Variants in SKI observed in about 807,000 individuals in gnomAD.
The protein encoded by SKI is SKI proto-oncogene.
In SKI, 23 loss-of-function variants were observed where a neutral mutation model predicts 59.3. The observed-to-expected ratio is 0.39, with a 90% CI of 0.28 to 0.55. SKI has a LOEUF of 0.55. SKI is among the 20% of genes least tolerant of loss of function. The pLI is 0.67. For missense variants in SKI, 1,017 were observed against 1,038.9 expected (o/e 0.98, Z 0.29); for synonymous variants, 673 against 488.6 (o/e 1.38, Z -4.98).
intron 1 of SKI, among the ~76,000 whole-genome samples, chr1:2,241,686 C>T (rs1638877788): frequency 6.6e-6 from 1 of 152,198 alleles, no homozygotes; most frequent in Non-Finnish European, 1.5e-5. Context: ...AGCCACTGCG[C>T]CCGGCCAGGA....
At chr1:2,288,347 C>T (rs180929483) in intron 1 of SKI, among the ~76,000 whole-genome samples, 1 of 152,294 alleles carries the variant, frequency 6.6e-6, no homozygotes, top group Admixed American at 6.5e-5. Context: ...GTCTCTAACT[C>T]CTAACCTCAG....
intron 5 of SKI, 152 bp from the exon 6 acceptor site, chr1:2,305,868 A>G (rs1039521690): frequency 2.8e-5 from 20 of 702,224 alleles, no homozygotes; most frequent in Admixed American, 2.8e-4. Context: ...TCGGGGCACC[A>G]CACGGGTTGG....
rs1384212633 is a variant in SKI, at chr1:2,308,561, G to A, written c.*1796G>A. 1 of 152,066 alleles carries A rather than the reference G, an allele frequency of 6.6e-6. No homozygotes were observed. Among genetic ancestry groups the A allele is most frequent in the African/African-American group, 2.4e-5 (1 of 41,396 alleles). The allele number at this position is 152,066 out of a possible 1,614,324, so 9.4% of individuals were successfully genotyped here. ...TCTTGTAAAGGGTCGGTTTTGTTAT[G>A]CAACATGCAGAATGCTGTTTTTAGC... On this transcript the variant is annotated 3_prime_UTR_variant, in exon 7 of 7. Transcript: ENST00000378536.
intron 1 of SKI, among the ~76,000 whole-genome samples, chr1:2,283,755 C>T (rs937887498): frequency 4.6e-5 from 7 of 152,192 alleles, no homozygotes; most frequent in South Asian, 4.1e-4. Flanking sequence ...TGCTCTGGTT[C>T]GAAGCTGCCC....
chr1:2,301,262 G>A (rs1044911934), intron 1 of SKI, among the ~76,000 whole-genome samples: 9 of 152,300 alleles, frequency 5.9e-5, no homozygotes, highest in Admixed American at 2.6e-4. Flanking sequence ...TCCGCCAGAC[G>A]TCATCAACAC....
intron 1 of SKI, among the ~76,000 whole-genome samples, chr1:2,295,426 C>T (rs1640260918): frequency 6.6e-6 from 1 of 152,218 alleles, no homozygotes. Context: ...CCATAAAATT[C>T]TTCCTTCCAC....
Position 2,309,467 on chromosome 1 carries a change from C to T in SKI, c.*2702C>T, listed in dbSNP as rs1425388353. ...ACAGTTCACCTGTAAATACTTTTTC[C>T]TTTTTCACCGTTGTATTATACATGT... On this transcript the variant is annotated 3_prime_UTR_variant, in exon 7 of 7. Transcript: ENST00000378536. The T allele has an allele frequency of 6.6e-6, 1 of 152,080 alleles. No individual in the cohort carries two copies. The highest frequency in any genetic ancestry group is 1.5e-5 in the Non-Finnish European group (1 of 68,000). 9.4% of individuals were successfully genotyped at this position (152,080 alleles called of 1,614,324 possible).
At chr1:2,245,719 G>A (rs1419591956) in intron 1 of SKI, among the ~76,000 whole-genome samples, 2 of 149,888 alleles carry the variant, frequency 1.3e-5, no homozygotes, top group South Asian at 2.1e-4. Flanking sequence ...TATGTGACCT[G>A]CCCGCCTTGG....
chr1:2,304,934 G>T (rs148164903), intron 5 of SKI, among the ~76,000 whole-genome samples: 2 of 152,366 alleles, frequency 1.3e-5, no homozygotes, highest in East Asian at 1.9e-4. Flanking sequence ...TATTTTTAGT[G>T]GCAGAAAGAG....
chr1:2,300,872 C>T (rs895891088), intron 1 of SKI, among the ~76,000 whole-genome samples: 3 of 152,292 alleles, frequency 2.0e-5, no homozygotes, highest in South Asian at 2.1e-4. Flanking sequence ...CCCCACTGAG[C>T]GGATTGGGCT....
chr1:2,247,240 G>A (rs1042142102), intron 1 of SKI, among the ~76,000 whole-genome samples: 8 of 152,106 alleles, frequency 5.3e-5, no homozygotes, highest in Admixed American at 5.2e-4. Context: ...AAACAAAAAA[G>A]GGAGCCGTGG....
intron 1 of SKI, among the ~76,000 whole-genome samples, chr1:2,246,288 T>C (rs263535): frequency 0.35 from 53,560 of 152,048 alleles, 9,704 homozygotes; most frequent in Admixed American, 0.45. Flanking sequence ...ATGATTAGTA[T>C]GTTGGGCATT....
chr1:2,305,808 C>T (rs550087605), intron 5 of SKI, among the ~76,000 whole-genome samples: 118 of 152,318 alleles, frequency 7.7e-4, no homozygotes, highest in Admixed American at 2.0e-3. Context: ...GCACAGCTGC[C>T]ACAGGCCTGG....
At chr1:2,293,248 C>A (rs551261902) in intron 1 of SKI, among the ~76,000 whole-genome samples, 1 of 152,180 alleles carries the variant, frequency 6.6e-6, no homozygotes, top group African/African-American at 2.4e-5. Context: ...GCGATCGGGA[C>A]TCACCATGTT....
intron 1 of SKI, 140 bp from the exon 2 acceptor site, chr1:2,302,838 G>T: frequency 8.5e-7 from 1 of 1,173,366 alleles, no homozygotes. Flanking sequence ...GGGTGCCCTG[G>T]AATCTGCCTT....
rs763580567 is a variant in SKI, at chr1:2,304,091, G to A, written c.1463G>A (p.Ser488Asn). Residue 488 changes from serine (S) to asparagine (N), a missense_variant, in exon 4 of 7, where the codon AGC (serine) becomes AAC (asparagine). Coordinates refer to ENST00000378536, the MANE Select transcript of SKI (RefSeq NM_003036.4). ...TCGGAGGCGGAGGTGGAAGTTGAAA[G>A]CAGGGAGGAATGTACGTGTGAGTCG... Reference protein sequence around the residue: ...KDSEAEVEVESREEFTSSLSS... With the variant: ...KDSEAEVEVENREEFTSSLSS... 17 of 1,612,484 alleles carry A rather than the reference G, an allele frequency of 1.1e-5. No individual in the cohort carries two copies. The highest frequency in any genetic ancestry group is 6.7e-5 in the African/African-American group (5 of 74,918).
In SKI at chr1:2,303,241, T is replaced by G; in HGVS notation, c.1096-44T>G. 1 of 1,607,000 alleles carries G rather than the reference T, an allele frequency of 6.2e-7. No homozygotes were observed. Among genetic ancestry groups the G allele is most frequent in the South Asian group, 1.1e-5 (1 of 90,970 alleles). On this transcript the variant is annotated intron_variant, in intron 2 of 6. Transcript: ENST00000378536. The surrounding 1 kb of genome is among the most constrained non-coding windows in gnomAD (Gnocchi z 5.6). ...GCAGCCTCAGGGACATGAAGTGGCT[T>G]GTTTTTCTCCTGGTCACTCACACAG... is the stretch of plus-strand genomic sequence containing the variant.
At chr1:2,284,470 A>G (rs2643913) in intron 1 of SKI, among the ~76,000 whole-genome samples, 13 of 152,136 alleles carry the variant, frequency 8.5e-5, no homozygotes, top group African/African-American at 2.9e-4. Flanking sequence ...CTCCGTGTGA[A>G]GTAGAGATTG....
At chr1:2,274,829 C>T (rs1639706004) in intron 1 of SKI, among the ~76,000 whole-genome samples, 1 of 152,196 alleles carries the variant, frequency 6.6e-6, no homozygotes, top group Non-Finnish European at 1.5e-5. Flanking sequence ...CCCCTTGCTG[C>T]AGTCATCTTC....
Sources: gnomAD v4.1 joint callset for allele counts (sites outside exome capture counted in the v4.1 genomes callset) on GRCh38, gnomAD v4.1.1 for gene constraint, Gnocchi (gnomAD v3.1) non-coding constraint, MANE v1.5 for transcripts, NCBI Gene and HGNC (gene_info 2026-07-23, HGNC 2026-07-21) for gene names.